The following PLXNC1 variants were observed in gnomAD, a reference collection of about 807,000 sequenced individuals.
The protein encoded by PLXNC1 is plexin C1.
PLXNC1 carries 75 observed loss-of-function variants against 178.2 expected under a neutral mutation model. That is an observed-to-expected ratio of 0.42 (90% CI 0.35 to 0.51). The LOEUF is 0.51. PLXNC1 is among the 20% of genes least tolerant of loss of function. PLXNC1 has a pLI of 0.02. For synonymous variants in PLXNC1, 790 were observed against 779.9 expected (o/e 1.01, Z -0.22); for missense variants, 1,503 against 1,984.4 (o/e 0.76, Z 4.61).
chr12:94,297,176 C>T lies in PLXNC1; in HGVS notation c.3935-13C>T. ...AATGGACTGCTTTCTCTCCCTCTTTCTCTGGCATTCAGATGTGGAGTACTC... is the reference window on the plus strand; with the variant it reads ...AATGGACTGCTTTCTCTCCCTCTTTTTCTGGCATTCAGATGTGGAGTACTC... On this transcript the variant is annotated splice_polypyrimidine_tract_variant and intron_variant, in intron 24 of 30. Transcript: ENST00000258526. 1 of 1,613,650 alleles carries T rather than the reference C, an allele frequency of 6.2e-7. No individual in the cohort carries two copies. Among genetic ancestry groups the T allele is most frequent in the Non-Finnish European group, 8.5e-7 (1 of 1,179,828 alleles).
chr12:94,233,319 A>C (rs1964159824), intron 9 of PLXNC1, among the ~76,000 whole-genome samples: 1 of 152,128 alleles, frequency 6.6e-6, no homozygotes, highest in East Asian at 1.9e-4. Context: ...CAAAGGGTGG[A>C]CTTTGAGGGG....
rs1482621886 is a variant in PLXNC1, at chr12:94,259,656, C to A, written c.3173C>A (p.Ala1058Asp). 6.2e-7 allele frequency: 1 copy of A among 1,611,056 alleles called. No individual in the cohort carries two copies. Among genetic ancestry groups the A allele is most frequent in the Non-Finnish European group, 8.5e-7 (1 of 1,177,796 alleles). The part of the protein sequence containing the change: ...DKNESLTALD[A>D]LICNKSFLVT... ...AATGAAAGTCTCACAGCTTTGGATGCCCTAATCTGTAATAAAAGCTTTCTT... is the reference window on the plus strand; with the variant it reads ...AATGAAAGTCTCACAGCTTTGGATGACCTAATCTGTAATAAAAGCTTTCTT... The change falls in exon 19 of 31, where the codon GCC becomes GAC. Residue 1058 changes from alanine (A) to aspartate (D), a missense_variant. Physicochemically the swap from Ala to Asp is moderately radical, Grantham distance 126. Coordinates refer to ENST00000258526, the MANE Select transcript of PLXNC1 (RefSeq NM_005761.3).
At position 94,214,121 on chromosome 12, in the gene PLXNC1, G is replaced by A. The variant is rs544873461; in HGVS notation, c.1554+4417G>A. Among the ~76,000 whole-genome samples, 152 of 149,328 alleles carry A rather than the reference G, an allele frequency of 1.0e-3. 1 individual carries two copies. The highest frequency in any genetic ancestry group is 1.8e-3 in the Non-Finnish European group (121 of 67,574). On this transcript the variant is annotated intron_variant, in intron 5 of 30. Transcript: ENST00000258526. ...TTTTTTTTTGACAGGGTCTCCCTCT[G>A]TCATCTAGGCTGGAGTGCAGAGACG...
chr12:94,242,061 A>G (rs1964404754), intron 11 of PLXNC1, among the ~76,000 whole-genome samples: 1 of 152,030 alleles, frequency 6.6e-6, no homozygotes, highest in Non-Finnish European at 1.5e-5. Flanking sequence ...ATCACTTTTA[A>G]TATTCTTATT....
At chr12:94,164,733 C>T (rs1289258890) in intron 1 of PLXNC1, among the ~76,000 whole-genome samples, 1 of 151,768 alleles carries the variant, frequency 6.6e-6, no homozygotes, top group Non-Finnish European at 1.5e-5. Flanking sequence ...ACACACACCT[C>T]AGGAGCTTTG....
intron 23 of PLXNC1, among the ~76,000 whole-genome samples, chr12:94,291,626 A>G (rs1042723960): frequency 6.6e-6 from 1 of 152,166 alleles, no homozygotes; most frequent in Non-Finnish European, 1.5e-5. Context: ...CATTGCCACA[A>G]TCTAATTTTA....
intron 21 of PLXNC1, among the ~76,000 whole-genome samples, chr12:94,266,593 G>A (rs144652472): frequency 1.3e-5 from 2 of 152,176 alleles, no homozygotes; most frequent in Non-Finnish European, 2.9e-5. Context: ...ACAACTGTTG[G>A]TAGAGTGGTT....
intron 16 of PLXNC1, 81 bp downstream of exon 16, chr12:94,254,969 C>A: frequency 1.8e-6 from 2 of 1,136,492 alleles, no homozygotes; most frequent in Non-Finnish European, 2.6e-6. Context: ...ATAGAGATGG[C>A]CACAGTAATG....
chr12:94,303,719 T>C (rs1968706238), intron 28 of PLXNC1, 37 bp from the exon 29 acceptor site: 1 of 1,265,800 alleles, frequency 7.9e-7, no homozygotes, highest in Non-Finnish European at 1.1e-6. Flanking sequence ...TTTTACTCTT[T>C]TGGTGATGGT....
intron 9 of PLXNC1, among the ~76,000 whole-genome samples, chr12:94,228,637 G>T (rs1964011107): frequency 6.6e-6 from 1 of 151,874 alleles, no homozygotes; most frequent in African/African-American, 2.4e-5. Flanking sequence ...GACTACTCTA[G>T]GTACCTCATG....
In PLXNC1 at chr12:94,297,238, T is replaced by G; in HGVS notation, c.3966+18T>G. On this transcript the variant is annotated intron_variant, in intron 25 of 30. Coordinates refer to ENST00000258526, the MANE Select transcript of PLXNC1 (RefSeq NM_005761.3). ...GCCATTTGGTGAGTTCAGGCTTTCT[T>G]GTGCTCACCACTGAACTGCATGCCT... 1.2e-6 allele frequency: 2 copies of G among 1,614,054 alleles called. No homozygotes were observed. The highest frequency in any genetic ancestry group is 1.7e-6 in the Non-Finnish European group (2 of 1,179,888).
chr12:94,238,521 T>C (rs1168941034), intron 10 of PLXNC1, among the ~76,000 whole-genome samples: 1 of 152,106 alleles, frequency 6.6e-6, no homozygotes, highest in Admixed American at 6.5e-5. Flanking sequence ...ACTGCAGTTA[T>C]TAAATAACAC....
At position 94,255,308 on chromosome 12, in the gene PLXNC1, T is replaced by A. The variant is rs776573605; in HGVS notation, c.3087+12T>A. The stretch of plus-strand genomic sequence containing the variant: ...CTTTCTTCCCTGAGGTAAAAGAGCA[T>A]TGATCATATTCCGAAGGTTGAGTCT... On this transcript the variant is annotated intron_variant, in intron 17 of 30. Coordinates refer to ENST00000258526, the MANE Select transcript of PLXNC1 (RefSeq NM_005761.3). The A allele has an allele frequency of 1.3e-5, 19 of 1,517,970 alleles. No homozygotes were observed. Among genetic ancestry groups the A allele is most frequent in the Non-Finnish European group, 1.7e-5 (19 of 1,092,208 alleles). The allele number at this position is 1,517,970 out of a possible 1,614,324, so 94.0% of individuals were successfully genotyped here.
At chr12:94,208,595 T>C (rs1376806786) in intron 4 of PLXNC1, among the ~76,000 whole-genome samples, 2 of 152,228 alleles carry the variant, frequency 1.3e-5, no homozygotes, top group African/African-American at 4.8e-5. Flanking sequence ...TTCATGTGTT[T>C]TCAGTTTCTT....
chr12:94,301,022 G>A lies in PLXNC1; in HGVS notation c.4351G>A (p.Asp1451Asn). 1 of 1,613,886 alleles carries A rather than the reference G, an allele frequency of 6.2e-7. No individual in the cohort carries two copies. The highest frequency in any genetic ancestry group is 8.5e-7 in the Non-Finnish European group (1 of 1,179,830). The change falls in exon 28 of 31, where the codon GAT becomes AAT. Residue 1451 changes from aspartate to asparagine, a missense_variant. This residue lies in a region of PLXNC1 where 639 missense variants were observed against 979.7 expected (regional missense o/e 0.65). Transcript: ENST00000258526. ...CLSVIAQAFM[D>N]AFSLTEQQLG... is the part of the protein sequence containing the mutation. ...GTCAGTGATTGCCCAGGCATTCATG[G>A]ATGCATTTTCTCTCACAGAGCAGCA...
intron 21 of PLXNC1, among the ~76,000 whole-genome samples, chr12:94,274,843 A>G (rs1438098682): frequency 1.3e-5 from 2 of 152,214 alleles, no homozygotes; most frequent in Non-Finnish European, 2.9e-5. Context: ...CTCATCTGCC[A>G]CAAGGGGATG....
intron 2 of PLXNC1, among the ~76,000 whole-genome samples, chr12:94,171,516 T>C (rs1286489464): frequency 6.6e-6 from 1 of 152,146 alleles, no homozygotes; most frequent in African/African-American, 2.4e-5. Flanking sequence ...AATGGGATGA[T>C]TGTTGTTCAA....
chr12:94,192,148 A>G (rs1962749610), intron 4 of PLXNC1, among the ~76,000 whole-genome samples: 1 of 152,220 alleles, frequency 6.6e-6, no homozygotes, highest in South Asian at 2.1e-4. Context: ...AAAATCCAAA[A>G]TTATTTAATT....
chr12:94,186,689 C>G (rs769284), intron 4 of PLXNC1: 116,424 of 483,286 alleles, frequency 0.24, 14,585 homozygotes, highest in African/African-American at 0.32. Context: ...TCCCCAGTCT[C>G]GGGGCGGGAG....
Sources: gnomAD v4.1 joint callset for allele counts (sites outside exome capture counted in the v4.1 genomes callset) on GRCh38, gnomAD v4.1.1 for gene constraint, gnomAD v4.1.1 regional missense constraint, MANE v1.5 for transcripts, NCBI Gene and HGNC (gene_info 2026-07-23, HGNC 2026-07-21) for gene names.